The following ERAP1 variants were observed in gnomAD, a reference collection of about 807,000 sequenced individuals.
The protein encoded by ERAP1 is endoplasmic reticulum aminopeptidase 1.
ERAP1 carries 86 observed loss-of-function variants against 103.7 expected under a neutral mutation model. The observed-to-expected ratio is 0.83, with a 90% CI of 0.70 to 0.99. The LOEUF is 0.99. Among genes scored for constraint, ERAP1 ranks in the 50% least tolerant of loss-of-function variants. The pLI, the probability that ERAP1 is intolerant of heterozygous loss-of-function variation, is 0.00. For missense variants in ERAP1, 1,009 were observed against 1,128.4 expected (o/e 0.89, Z 1.52); for synonymous variants, 398 against 402.4 (o/e 0.99, Z 0.13).
the ERAP1 span, among the ~76,000 whole-genome samples, chr5:96,924,400 A>C: frequency 6.6e-6 from 1 of 152,256 alleles, no homozygotes; most frequent in Non-Finnish European, 1.5e-5. Flanking sequence ...TGTAATTTTC[A>C]GCACAAATAT....
chr5:96,913,399 A>C, the ERAP1 span: 4 of 1,614,158 alleles, frequency 2.5e-6, no homozygotes. Context: ...CAGACGTCCA[A>C]AGGGGCAGCA....
the ERAP1 span, chr5:96,895,174 A>C: frequency 1.2e-6 from 1 of 835,032 alleles, no homozygotes. Context: ...GTTAGTAACT[A>C]TTGTATTTTT....
the ERAP1 span, among the ~76,000 whole-genome samples, chr5:96,841,747 C>CTTTTTTTTTTTTTTTTTTTTT: frequency 1.8e-5 from 2 of 108,522 alleles, no homozygotes; most frequent in Non-Finnish European, 3.7e-5. Flanking sequence ...TCTTCTTCTT[C>CTTTTTTTTTTTTTTTTTTTTT]TTTTTTTTTT....
At chr5:96,917,456 T>G in the ERAP1 span, 1 of 1,610,212 alleles carries the variant, frequency 6.2e-7, no homozygotes, top group African/African-American at 1.3e-5. Flanking sequence ...CTTCAATATT[T>G]TACAGGTGAA....
chr5:96,867,043 G>A, the ERAP1 span, among the ~76,000 whole-genome samples: 1 of 142,322 alleles, frequency 7.0e-6, no homozygotes, highest in Non-Finnish European at 1.5e-5. Context: ...GTCTCACTCT[G>A]TTGCCCAGGC....
the ERAP1 span, chr5:96,915,948 C>T: frequency 2.1e-6 from 1 of 470,832 alleles, no homozygotes; most frequent in Non-Finnish European, 3.7e-6. Flanking sequence ...CTTGGCCAGG[C>T]ACAGTGGCTC....
chr5:96,900,305 C>T, the ERAP1 span: 2 of 1,418,878 alleles, frequency 1.4e-6, no homozygotes, highest in East Asian at 2.4e-5. Flanking sequence ...AGAAAGAGAG[C>T]CCCCACGATT....
At chr5:96,763,292 G>A (rs1768669470) in intron 19 of ERAP1, 1 of 780,000 alleles carries the variant, frequency 1.3e-6, no homozygotes, top group Non-Finnish European at 2.4e-6. Context: ...TCTACCATTA[G>A]CAGCTATAAT....
the ERAP1 span, among the ~76,000 whole-genome samples, chr5:96,921,740 A>G: frequency 3.3e-5 from 5 of 152,104 alleles, no homozygotes; most frequent in Admixed American, 3.3e-4. Context: ...ATTTACACAC[A>G]TGATTTCCCA....
At chr5:96,915,572 G>A in the ERAP1 span, 973 of 483,990 alleles carry the variant, frequency 2.0e-3, 2 homozygotes, top group Non-Finnish European at 3.0e-3. Flanking sequence ...CGTATCTATT[G>A]TAATACACAA....
At chr5:96,810,888 C>A (rs1779110861), upstream of ERAP1, among the ~76,000 whole-genome samples, 2 of 152,168 alleles carry the variant, frequency 1.3e-5, no homozygotes, top group Non-Finnish European at 2.9e-5. Flanking sequence ...AAAGCTGCTC[C>A]TATTTTAATC....
Position 96,775,884 on chromosome 5 carries a change from T to C in ERAP1, c.*512A>G, listed in dbSNP as rs1274169810. ...CAAAGGGCAAGAAAGCTTGATGACT[T>C]GGCCTTTACAAGTCAGCCCCTGGGC... On this transcript the variant is annotated 3_prime_UTR_variant, in exon 19 of 19. Transcript: ENST00000443439. 1.8e-5 allele frequency: 16 copies of C among 867,136 alleles called. No individual in the cohort carries two copies. The highest frequency in any genetic ancestry group is 2.1e-5 in the Non-Finnish European group (15 of 718,492). The allele number at this position is 867,136 out of a possible 1,614,324, so 53.7% of individuals were successfully genotyped here.
intron 17 of ERAP1, 118 bp downstream of exon 17, chr5:96,780,940 C>CCTAT (rs1474886455): frequency 8.6e-7 from 1 of 1,164,702 alleles, no homozygotes; most frequent in South Asian, 1.3e-5. Context: ...ATTTCTACTG[C>CCTAT]CTATCTTCAA....
chr5:96,775,036 G>A lies in ERAP1; in HGVS notation c.*1360C>T, dbSNP rs1773889844. 6 of 983,828 alleles carry A rather than the reference G, an allele frequency of 6.1e-6. No homozygotes were observed. The highest frequency in any genetic ancestry group is 1.1e-4 in the East Asian group (1 of 8,972). 60.9% of individuals were successfully genotyped at this position (983,828 alleles called of 1,614,324 possible). On this transcript the variant is annotated 3_prime_UTR_variant, in exon 19 of 19. Coordinates refer to ENST00000443439, the MANE Select transcript of ERAP1 (RefSeq NM_001040458.3). ...GCACCTTAGAGTCAGCGCAAAACAC[G>A]CTGCAACTTGAATCAAGTCAGCAAC...
chr5:96,781,945 C>T (rs1209856183), intron 15 of ERAP1, 91 bp from the exon 16 acceptor site: 17 of 1,238,404 alleles, frequency 1.4e-5, no homozygotes, highest in Non-Finnish European at 1.9e-5. Context: ...GCTGAACTTT[C>T]CCCATGATCA....
At chr5:96,892,817 C>G in the ERAP1 span, among the ~76,000 whole-genome samples, 1 of 152,160 alleles carries the variant, frequency 6.6e-6, no homozygotes, top group African/African-American at 2.4e-5. Context: ...CCCTGGTACT[C>G]TGGCATTCCA....
chr5:96,871,800 G>C, the ERAP1 span, among the ~76,000 whole-genome samples: 3 of 152,130 alleles, frequency 2.0e-5, no homozygotes, highest in African/African-American at 7.2e-5. Context: ...GTGCTTTGTG[G>C]AAGGCATTGC....
the ERAP1 span, among the ~76,000 whole-genome samples, chr5:96,884,549 C>T: frequency 7.4e-5 from 8 of 108,610 alleles, no homozygotes; most frequent in Non-Finnish European, 1.2e-4. Flanking sequence ...TGTGGTTATA[C>T]AAGTTTTTTG....
In ERAP1 at chr5:96,775,956, G is replaced by A. The variant is rs919119848; in HGVS notation, c.*440C>T. Reference sequence around the variant, plus strand: ...GGCAGCGGGTCTGGAGGGGTGAGCCGGGAGAGCTTTAACCCAGTCATCGTC... The same window carrying A: ...GGCAGCGGGTCTGGAGGGGTGAGCCAGGAGAGCTTTAACCCAGTCATCGTC... On this transcript the variant is annotated 3_prime_UTR_variant, in exon 19 of 19. Transcript: ENST00000443439. The A allele has an allele frequency of 2.5e-5, 26 of 1,042,264 alleles. No homozygotes were observed. Among genetic ancestry groups the A allele is most frequent in the South Asian group, 3.2e-5 (1 of 31,234 alleles). 64.6% of individuals were successfully genotyped at this position (1,042,264 alleles called of 1,614,324 possible).
Sources: allele counts gnomAD v4.1 joint callset (sites outside exome capture counted in the v4.1 genomes callset), GRCh38; gene constraint gnomAD v4.1.1; transcripts MANE v1.5; gene names NCBI Gene and HGNC (gene_info 2026-07-23, HGNC 2026-07-21).